The following INVS variants were observed in gnomAD, a reference collection of about 807,000 sequenced individuals.
The protein encoded by INVS is inversin.
In INVS, 86 loss-of-function variants were observed where a neutral mutation model predicts 108.8. The ratio of observed to expected loss-of-function variants is 0.79; its 90% CI spans 0.66 to 0.95. The LOEUF (loss-of-function observed/expected upper bound fraction) is 0.95, where lower values mean the gene tolerates loss of function less well. Among genes scored for constraint, INVS ranks in the 40% least tolerant of loss-of-function variants. The pLI, the probability that INVS is intolerant of heterozygous loss-of-function variation, is 0.00. For synonymous variants in INVS, 455 were observed against 473.5 expected (o/e 0.96, Z 0.51); for missense variants, 1,169 against 1,297.4 (o/e 0.90, Z 1.52).
chr9:100,267,019 T>A (rs1266300887), intron 11 of INVS, among the ~76,000 whole-genome samples: 33 of 93,112 alleles, frequency 3.5e-4, no homozygotes, highest in South Asian at 1.0e-3. Flanking sequence ...TTTGAAACTC[T>A]AAAAAAAAAA....
At chr9:100,115,080 T>C (rs988438090) in intron 2 of INVS, among the ~76,000 whole-genome samples, 2 of 152,208 alleles carry the variant, frequency 1.3e-5, no homozygotes, top group Non-Finnish European at 2.9e-5. Context: ...TACAACTAGG[T>C]TCTACATCCT....
intron 16 of INVS, among the ~76,000 whole-genome samples, chr9:100,298,677 A>T (rs961619448): frequency 1.8e-4 from 28 of 152,198 alleles, no homozygotes; most frequent in African/African-American, 6.3e-4. Context: ...GAAGGTGAAC[A>T]ATGACTGTCA....
At chr9:100,117,069 C>T (rs1827555741) in intron 2 of INVS, 1 of 1,250,000 alleles carries the variant, frequency 8.0e-7, no homozygotes, top group Non-Finnish European at 1.1e-6. Flanking sequence ...AGCACAGAGC[C>T]GCAGCGGCCT....
chr9:100,129,553 G>A (rs907200529), intron 3 of INVS: 3 of 468,824 alleles, frequency 6.4e-6, no homozygotes, highest in Non-Finnish European at 7.8e-6. Context: ...AGAAAAATAA[G>A]AAACCAACAA....
At chr9:100,129,503 T>C (rs2118905924) in intron 3 of INVS, among the ~76,000 whole-genome samples, 1 of 151,606 alleles carries the variant, frequency 6.6e-6, no homozygotes, top group South Asian at 2.1e-4. Flanking sequence ...CAAAAAAAAA[T>C]GTAAATACAT....
At chr9:100,227,700 T>TAA (rs56736083) in intron 4 of INVS, among the ~76,000 whole-genome samples, 25,898 of 143,744 alleles carry the variant, frequency 0.18, 3,373 homozygotes, top group African/African-American at 0.38. Flanking sequence ...TAAGCCTGAT[T>TAA]AAAAAAAAAA....
chr9:100,169,999 G>A (rs1450524426), intron 3 of INVS, among the ~76,000 whole-genome samples: 1 of 152,146 alleles, frequency 6.6e-6, no homozygotes, highest in Non-Finnish European at 1.5e-5. Flanking sequence ...CCTGATCAGT[G>A]CTGGTTTGAA....
At chr9:100,119,665 C>T (rs1296221535) in intron 2 of INVS, among the ~76,000 whole-genome samples, 1 of 152,224 alleles carries the variant, frequency 6.6e-6, no homozygotes, top group Non-Finnish European at 1.5e-5. Context: ...TCACGCCATT[C>T]TCCTGCCGCA....
At chr9:100,283,047 G>T (rs1484814615) in intron 12 of INVS, among the ~76,000 whole-genome samples, 2 of 152,204 alleles carry the variant, frequency 1.3e-5, no homozygotes, top group Non-Finnish European at 2.9e-5. Context: ...GGTGGCTCAC[G>T]CCTATAATCC....
intron 5 of INVS, among the ~76,000 whole-genome samples, chr9:100,233,353 T>C (rs568816385): frequency 1.3e-5 from 2 of 152,324 alleles, no homozygotes; most frequent in South Asian, 4.1e-4. Context: ...CCTGTTTGAA[T>C]ACCTTTTATT....
chr9:100,105,902 T>C, intron 2 of INVS, among the ~76,000 whole-genome samples: 1 of 139,316 alleles, frequency 7.2e-6, no homozygotes, highest in Non-Finnish European at 1.5e-5. Context: ...GACTGTTGCA[T>C]TCTCAACTCT....
intron 3 of INVS, among the ~76,000 whole-genome samples, chr9:100,149,339 G>A (rs554062132): frequency 6.6e-6 from 1 of 152,276 alleles, no homozygotes; most frequent in South Asian, 2.1e-4. Flanking sequence ...GGAAATCTTA[G>A]TATTTGAAAC....
chr9:100,198,181 T>C (rs181286393), intron 3 of INVS, among the ~76,000 whole-genome samples: 1 of 150,704 alleles, frequency 6.6e-6, no homozygotes, highest in Admixed American at 6.6e-5. Context: ...GTCAAACCTA[T>C]TTAGTGTCCT....
intron 3 of INVS, among the ~76,000 whole-genome samples, chr9:100,191,602 C>T (rs1275041123): frequency 6.6e-6 from 1 of 152,026 alleles, no homozygotes; most frequent in Non-Finnish European, 1.5e-5. Flanking sequence ...TTTTTAACTT[C>T]ACTATGTTGG....
At chr9:100,214,617 G>A (rs1266307364) in intron 3 of INVS, among the ~76,000 whole-genome samples, 1 of 152,222 alleles carries the variant, frequency 6.6e-6, no homozygotes, top group Non-Finnish European at 1.5e-5. Flanking sequence ...AAATAAGGTT[G>A]TGCCAGTCCC....
intron 11 of INVS, among the ~76,000 whole-genome samples, chr9:100,271,900 A>T (rs1307375848): frequency 1.3e-5 from 2 of 149,260 alleles, no homozygotes; most frequent in African/African-American, 2.5e-5. Flanking sequence ...ACGGTGTCTC[A>T]CTCTGTCACC....
rs1411250393 is a variant in INVS at position 100,300,800 on chromosome 9, A to G, written c.*126A>G. 2 of 705,204 alleles carry G rather than the reference A, an allele frequency of 2.8e-6. No individual in the cohort carries two copies. Among genetic ancestry groups the G allele is most frequent in the Admixed American group, 4.3e-5 (2 of 46,918 alleles). The allele number at this position is 705,204 out of a possible 1,614,324, so 43.7% of individuals were successfully genotyped here. ...TCCGTACCTGAAGGCTGATTCACCT[A>G]AAAATGTGTTAACTGAAAGAAAATG... On this transcript the variant is annotated 3_prime_UTR_variant, in exon 17 of 17. Coordinates refer to ENST00000262457, the MANE Select transcript of INVS (RefSeq NM_014425.5).
intron 8 of INVS, among the ~76,000 whole-genome samples, chr9:100,248,814 T>C (rs1382873827): frequency 6.6e-6 from 1 of 152,116 alleles, no homozygotes; most frequent in African/African-American, 2.4e-5. Flanking sequence ...ACTGGAAGGC[T>C]GGAAGATGGA....
chr9:100,180,182 A>C (rs1444476204), intron 3 of INVS, among the ~76,000 whole-genome samples: 1 of 152,220 alleles, frequency 6.6e-6, no homozygotes, highest in Non-Finnish European at 1.5e-5. Context: ...CCACAGGAGA[A>C]AGTGGGAAAG....
Sources: allele counts gnomAD v4.1 joint callset (sites outside exome capture counted in the v4.1 genomes callset), GRCh38; gene constraint gnomAD v4.1.1; transcripts MANE v1.5; gene names NCBI Gene and HGNC (gene_info 2026-07-23, HGNC 2026-07-21).